The following SLFN12L variants were observed in gnomAD, a reference collection of about 807,000 sequenced individuals.
SLFN12L encodes the protein schlafen family member 12 like.
Under a neutral mutation model 34.8 loss-of-function variants are expected in SLFN12L, and 34 were observed. That is an observed-to-expected ratio of 0.98 (90% confidence interval 0.74 to 1.30). The LOEUF (loss-of-function observed/expected upper bound fraction) is 1.30. Ranked by LOEUF, SLFN12L falls within the 50% of genes most tolerant of loss-of-function variation. The pLI is 0.00. For missense variants in SLFN12L, 703 were observed against 696.2 expected, an observed-to-expected ratio of 1.01 and a Z score of -0.11; for synonymous variants, 259 against 247.5, an observed-to-expected ratio of 1.05 and a Z score of -0.44.
At chr17:35,511,584 T>TACACACACACACACACACACACAC (rs58683369) in intron 2 of SLFN12L, among the ~76,000 whole-genome samples, 30 of 148,424 alleles carry the variant, frequency 2.0e-4, no homozygotes, top group African/African-American at 7.3e-4. Context: ...CACACACACA[T>TACACACACACACACACACACACAC]ACACACACAC....
At chr17:35,535,694 C>T (rs1039628321) in intron 1 of SLFN12L, among the ~76,000 whole-genome samples, 19 of 151,908 alleles carry the variant, frequency 1.3e-4, no homozygotes, top group African/African-American at 4.6e-4. Flanking sequence ...CTTGCTCTGC[C>T]GCCAAGGCTC....
In SLFN12L at chr17:35,470,824, A is replaced by C. The variant is rs12939675; in HGVS notation, c.*4099T>G. On this transcript the variant is annotated 3_prime_UTR_variant, in exon 5 of 5. Transcript: ENST00000628453. ...TCCCTCCCCTCACTCTCCCCACCCC[A>C]CAACAGGCCCTGGTGTGTGTTAATC... is the stretch of plus-strand genomic sequence containing the variant. Among the ~76,000 whole-genome samples the C allele has an allele frequency of 0.2, 29,661 of 151,332 alleles. 3,292 individuals are homozygous for C. Among genetic ancestry groups the C allele is most frequent in the Middle Eastern group, 0.31 (90 of 294 alleles).
At chr17:35,508,550 G>A (rs761549449) in intron 2 of SLFN12L, among the ~76,000 whole-genome samples, 13 of 152,162 alleles carry the variant, frequency 8.5e-5, no homozygotes, top group African/African-American at 2.2e-4. Context: ...GGGTTTCACC[G>A]TGTTAGCCAG....
intron 2 of SLFN12L, among the ~76,000 whole-genome samples, chr17:35,520,433 T>C (rs1034841680): frequency 3.3e-5 from 5 of 152,206 alleles, no homozygotes; most frequent in South Asian, 4.1e-4. Context: ...TAGGGTCTAA[T>C]TGTAATAATT....
At chr17:35,487,824 C>T (rs758012450) in intron 2 of SLFN12L, 21 of 1,421,834 alleles carry the variant, frequency 1.5e-5, no homozygotes, top group Non-Finnish European at 1.9e-5. Flanking sequence ...TAGCCCCTCG[C>T]TCAGCTGCAT....
intron 2 of SLFN12L, among the ~76,000 whole-genome samples, chr17:35,485,211 A>C (rs1276681543): frequency 3.3e-5 from 5 of 152,154 alleles, no homozygotes; most frequent in African/African-American, 1.2e-4. Context: ...TTGACTTTTT[A>C]GTATAGTCAT....
At chr17:35,524,096 A>G (rs928880034) in intron 1 of SLFN12L, among the ~76,000 whole-genome samples, 7 of 152,214 alleles carry the variant, frequency 4.6e-5, no homozygotes, top group Non-Finnish European at 8.8e-5. Flanking sequence ...TTTATTGTTC[A>G]TTGTTGCTTG....
intron 4 of SLFN12L, among the ~76,000 whole-genome samples, chr17:35,477,262 G>A (rs764269015): frequency 4.6e-5 from 7 of 152,198 alleles, no homozygotes; most frequent in African/African-American, 7.2e-5. Context: ...CTACATCACC[G>A]TTTATGGATG....
At chr17:35,478,679 C>T (rs1008391931) in intron 3 of SLFN12L, among the ~76,000 whole-genome samples, 2 of 152,036 alleles carry the variant, frequency 1.3e-5, no homozygotes, top group Non-Finnish European at 2.9e-5. Context: ...CTCTTTGGCT[C>T]ATAAATGTGA....
rs112130234 is a variant in SLFN12L at position 35,487,477 on chromosome 17, C to G, written c.87-7282G>C. 9.8e-5 allele frequency among the ~76,000 whole-genome samples: 15 copies of G among 152,286 alleles called. No homozygotes were observed. In the East Asian group the frequency reaches 1.6e-3, roughly 16 times the overall value. On this transcript the variant is annotated intron_variant, in intron 2 of 4. Transcript: ENST00000628453. The stretch of plus-strand genomic sequence containing the variant: ...GTCCCGGAGCCCACGGACCACCCCC[C>G]CCGGACCCCCGGAATAAGAAACGGA...
Position 35,520,988 on chromosome 17 carries a change from G to C in SLFN12L, c.86+1291C>G, listed in dbSNP as rs1915980655. On this transcript the variant is annotated intron_variant, in intron 2 of 4. Transcript: ENST00000628453. ...AATCAGGATGGCCAGCCTGCAAGTT[G>C]TAACACTTTATAATAAATAAAATAT... Among the ~76,000 whole-genome samples, 10 of 152,140 alleles carry C rather than the reference G, an allele frequency of 6.6e-5. No individual in the cohort carries two copies. In the South Asian group the frequency reaches 2.1e-3, roughly 32 times the overall value.
chr17:35,530,175 G>A (rs1369646666), intron 1 of SLFN12L, among the ~76,000 whole-genome samples: 10 of 136,068 alleles, frequency 7.3e-5, no homozygotes, highest in Admixed American at 2.4e-4. Flanking sequence ...GTGAAACCCC[G>A]TCTCTACGAA....
intron 4 of SLFN12L, among the ~76,000 whole-genome samples, chr17:35,477,154 T>C (rs1322467629): frequency 1.3e-5 from 2 of 152,178 alleles, no homozygotes; most frequent in Non-Finnish European, 2.9e-5. Flanking sequence ...TTGTATGCAG[T>C]AATATCCCAG....
At chr17:35,492,687 T>A (rs563678308) in intron 2 of SLFN12L, among the ~76,000 whole-genome samples, 2 of 152,272 alleles carry the variant, frequency 1.3e-5, no homozygotes, top group South Asian at 4.1e-4. Flanking sequence ...TGTCCCAAGT[T>A]GGAGGTTTTG....
chr17:35,505,796 C>T lies in SLFN12L; in HGVS notation c.86+16483G>A, dbSNP rs545834381. On this transcript the variant is annotated intron_variant, in intron 2 of 4. Transcript: ENST00000628453. ...GCCCTGCTCCAGTCACACCCAGAAG[C>T]TAACTGGTCCACGCATGGCTGAAGC... 2.0e-4 allele frequency among the ~76,000 whole-genome samples: 31 copies of T among 152,322 alleles called. No individual in the cohort carries two copies. In the South Asian group the frequency reaches 6.2e-3, roughly 31 times the overall value.
rs769377827 is a variant in SLFN12L at position 35,479,596 on chromosome 17, C to G, written c.686G>C (p.Arg229Thr). The G allele has an allele frequency of 1.1e-5, 18 of 1,612,720 alleles. 1 individual carries two copies. The highest frequency in any genetic ancestry group is 1.4e-5 in the Non-Finnish European group (16 of 1,179,534). ...MEALAADFFN[R>T]TELGYKEKLT... ...TTTTTCTTTATAACCAAGTTCTGTT[C>G]TGTTAAAAAAATCAGCAGCCAAGGC... The change falls in exon 3 of 5, where the codon AGA becomes ACA. Residue 229 changes from arginine (R) to threonine (T), a missense_variant. Transcript: ENST00000628453.
chr17:35,517,499 A>G (rs1334949933), intron 2 of SLFN12L, among the ~76,000 whole-genome samples: 1 of 152,214 alleles, frequency 6.6e-6, no homozygotes, highest in Admixed American at 6.5e-5. Context: ...ATTCAATGCT[A>G]TTCCCATCAA....
At position 35,464,614 on chromosome 17, in the gene SLFN12L, G is replaced by A. The variant is rs1271354476; in HGVS notation, c.*10309C>T. ...AGACATGATCTTGTTCTTTTTTATG[G>A]CTGTGTAGTAGCCCATGGTGTATAT... On this transcript the variant is annotated 3_prime_UTR_variant, in exon 5 of 5. Coordinates refer to ENST00000628453, the MANE Select transcript of SLFN12L (RefSeq NM_001363830.2). 1 of 151,992 alleles carries A rather than the reference G, an allele frequency of 6.6e-6. No individual in the cohort carries two copies. Among genetic ancestry groups the A allele is most frequent in the Non-Finnish European group, 1.5e-5 (1 of 67,998 alleles). The allele number at this position is 151,992 out of a possible 1,614,324, so 9.4% of individuals were successfully genotyped here.
rs534121396 is a variant in SLFN12L at position 35,464,814 on chromosome 17, A to G, written c.*10109T>C. Among the ~76,000 whole-genome samples, 117 of 152,358 alleles carry G rather than the reference A, an allele frequency of 7.7e-4. No homozygotes were observed. The highest frequency in any genetic ancestry group is 2.6e-3 in the African/African-American group (109 of 41,594). On this transcript the variant is annotated 3_prime_UTR_variant, in exon 5 of 5. Transcript: ENST00000628453. Reference sequence around the variant, plus strand: ...AAAATTTGTATACCAAAGAATTTATATAACAAAAAGATAGCTAAGGTCGTG... The same window carrying G: ...AAAATTTGTATACCAAAGAATTTATGTAACAAAAAGATAGCTAAGGTCGTG...
Sources: allele counts gnomAD v4.1 joint callset (sites outside exome capture counted in the v4.1 genomes callset), GRCh38; gene constraint gnomAD v4.1.1; transcripts MANE v1.5; gene names NCBI Gene and HGNC (gene_info 2026-07-23, HGNC 2026-07-21).